Variants in SLC26A5 observed in about 807,000 individuals in gnomAD.
SLC26A5 encodes the protein solute carrier family 26 member 5, also known as prestin.
In SLC26A5, 51 loss-of-function variants were observed where a neutral mutation model predicts 81.0. The observed-to-expected ratio is 0.63, with a 90% CI of 0.50 to 0.80. The LOEUF (loss-of-function observed/expected upper bound fraction) is 0.80, where lower values mean the gene tolerates loss of function less well. Ranked by LOEUF, SLC26A5 falls within the 30% of genes least tolerant of loss-of-function variation. The pLI is 0.00. For synonymous variants in SLC26A5, 325 were observed against 332.8 expected (o/e 0.98, Z 0.25); for missense variants, 771 against 905.8 (o/e 0.85, Z 1.91).
At chr7:103,401,274 G>A (rs1823564823) in intron 8 of SLC26A5, among the ~76,000 whole-genome samples, 1 of 152,148 alleles carries the variant, frequency 6.6e-6, no homozygotes, top group Admixed American at 6.5e-5. Context: ...TCTCCTTGAA[G>A]AGGTCCTTCA....
rs375313152 is a variant in SLC26A5 at position 103,379,483 on chromosome 7, C to CA, written c.1585-149dup. ...AGCTAAAATGATGTCACACACAGAC[C>CA]AAAAAAAAAAAAAAAGATAAGAAAA... On this transcript the variant is annotated intron_variant, in intron 15 of 19. Transcript: ENST00000306312. 0.11 allele frequency: 32,900 copies of CA among 295,418 alleles called. 438 individuals carry two copies. The highest frequency in any genetic ancestry group is 0.16 in the Admixed American group (2,837 of 17,312). 18.3% of individuals were successfully genotyped at this position (295,418 alleles called of 1,614,324 possible).
intron 19 of SLC26A5, among the ~76,000 whole-genome samples, chr7:103,357,326 CAAAA>C (rs762310758): frequency 2.6e-5 from 2 of 77,824 alleles, no homozygotes; most frequent in African/African-American, 4.7e-5. Flanking sequence ...TACTCTGTCT[CAAAA>C]AAAAAAAAAA....
intron 14 of SLC26A5, among the ~76,000 whole-genome samples, chr7:103,384,963 T>C (rs1026442687): frequency 6.6e-6 from 1 of 152,182 alleles, no homozygotes; most frequent in Non-Finnish European, 1.5e-5. Context: ...GCACTGTCCC[T>C]AGAGTCTAGC....
downstream of SLC26A5, among the ~76,000 whole-genome samples, chr7:103,371,644 T>G (rs1233109359): frequency 6.6e-6 from 1 of 150,760 alleles, no homozygotes; most frequent in Non-Finnish European, 1.5e-5. Context: ...TGTCAATCTA[T>G]CAACCATAGT....
intron 19 of SLC26A5, among the ~76,000 whole-genome samples, chr7:103,361,578 C>A (rs1820418667): frequency 6.7e-6 from 1 of 149,986 alleles, no homozygotes; most frequent in Non-Finnish European, 1.5e-5. Flanking sequence ...AATGAAAACC[C>A]ATTTATTACT....
At chr7:103,421,695 G>A (rs1825365612) in intron 2 of SLC26A5, 128 bp from the exon 3 acceptor site, 2 of 641,720 alleles carry the variant, frequency 3.1e-6, no homozygotes, top group Non-Finnish European at 5.5e-6. Context: ...AGGACCTAAT[G>A]TATTGATCTG....
At chr7:103,395,473 A>G (rs1586266432) in intron 9 of SLC26A5, among the ~76,000 whole-genome samples, 3 of 144,022 alleles carry the variant, frequency 2.1e-5, no homozygotes, top group Non-Finnish European at 4.5e-5. Flanking sequence ...ATATATATAT[A>G]CATATATATA....
rs1172969679 is a variant in SLC26A5 at position 103,393,045 on chromosome 7, C to T, written c.993G>A (p.Pro331=). The T allele has an allele frequency of 1.1e-5, 18 of 1,613,774 alleles. No individual in the cohort carries two copies. The highest frequency in any genetic ancestry group is 6.7e-5 in the Admixed American group (4 of 59,994). ...ACACAAGGTGGAAGAGGCTGGTGTC[C>T]GGATTGGCTGGAGGTAGCAGCCTGA... ...LPLGLLPPAN[P]DTSLFHLVYV... The change falls in exon 10 of 20, where the codon CCG becomes CCA. Residue 331 remains proline, a synonymous_variant. Transcript: ENST00000306312.
At position 103,389,127 on chromosome 7, in the gene SLC26A5, C is replaced by T. The variant is rs770745385; in HGVS notation, c.1408-13G>A. ...TAAGCCAGATGGTCTAAGCAAAAGA[C>T]AGAAAACTTGATGGAGAACCATGTT... On this transcript the variant is annotated splice_polypyrimidine_tract_variant and intron_variant, in intron 13 of 19. Transcript: ENST00000306312. 4.4e-6 allele frequency: 7 copies of T among 1,582,472 alleles called. No homozygotes were observed. The highest frequency in any genetic ancestry group is 1.7e-4 in the Middle Eastern group (1 of 5,998).
rs370542288 is a variant in SLC26A5 at position 103,356,333 on chromosome 7, T to A, written c.2042-3407A>T. On this transcript the variant is annotated intron_variant, in intron 19 of 19. Transcript: ENST00000339444. ...CTGTAGTGAATATTCGTGTTAAATGTTTCTCAGTGTATGTGCATACATTTC... is the reference window on the plus strand; with the variant it reads ...CTGTAGTGAATATTCGTGTTAAATGATTCTCAGTGTATGTGCATACATTTC... Among the ~76,000 whole-genome samples the A allele has an allele frequency of 3.3e-5, 5 of 152,346 alleles. No homozygotes were observed. The East Asian group carries it at 7.7e-4, about 23-fold the overall frequency.
At chr7:103,408,514 A>G (rs1479799474) in intron 7 of SLC26A5, among the ~76,000 whole-genome samples, 2 of 152,212 alleles carry the variant, frequency 1.3e-5, no homozygotes, top group Non-Finnish European at 1.5e-5. Flanking sequence ...GGTGTGAGCC[A>G]CTGTGCCCAG....
At chr7:103,364,958 CATATAT>C (rs59914167) in intron 19 of SLC26A5, among the ~76,000 whole-genome samples, 16 of 125,500 alleles carry the variant, frequency 1.3e-4, no homozygotes, top group African/African-American at 3.2e-4. Context: ...TGTAGACATA[CATATAT>C]ATATATATAT....
At chr7:103,412,089 G>A (rs1176540420) in intron 5 of SLC26A5, among the ~76,000 whole-genome samples, 2 of 152,206 alleles carry the variant, frequency 1.3e-5, no homozygotes, top group African/African-American at 4.8e-5. Flanking sequence ...GAAAAAGGGA[G>A]AGAGGAAGAA....
In SLC26A5 at chr7:103,374,342, T is replaced by TG; in HGVS notation, c.*56dup. On this transcript the variant is annotated 3_prime_UTR_variant, in exon 20 of 20. Coordinates refer to ENST00000306312, the MANE Select transcript of SLC26A5 (RefSeq NM_198999.3). ...AATCTAGCGTCTAGTATTTAAAACG[T>TG]GTAAATTATGAACTTCATGAGAGGC... The TG allele has an allele frequency of 6.2e-7, 1 of 1,605,434 alleles. No homozygotes were observed. The highest frequency in any genetic ancestry group is 8.5e-7 in the Non-Finnish European group (1 of 1,176,858).
At position 103,421,564 on chromosome 7, in the gene SLC26A5, G is replaced by A. The variant is rs1330079612; in HGVS notation, c.-50C>T. ...AGCCGGAGACAAGCATTTCCTGAGT[G>A]TCACTAGGGGAAAAAAGAAAAACTC... On this transcript the variant is annotated 5_prime_UTR_variant, in exon 3 of 20. Coordinates refer to ENST00000306312, the MANE Select transcript of SLC26A5 (RefSeq NM_198999.3). 3 of 1,589,074 alleles carry A rather than the reference G, an allele frequency of 1.9e-6. No homozygotes were observed. Among genetic ancestry groups the A allele is most frequent in the Non-Finnish European group, 2.6e-6 (3 of 1,159,224 alleles).
At chr7:103,426,707 A>G (rs1340866870) in intron 2 of SLC26A5, among the ~76,000 whole-genome samples, 1 of 152,178 alleles carries the variant, frequency 6.6e-6, no homozygotes, top group Non-Finnish European at 1.5e-5. Context: ...GGGACTTTTT[A>G]TTTGCATCAA....
downstream of SLC26A5, among the ~76,000 whole-genome samples, chr7:103,372,202 ATTAG>A (rs758452762): frequency 1.4e-4 from 21 of 152,222 alleles, no homozygotes; most frequent in African/African-American, 3.4e-4. Context: ...TCACTCTAGA[ATTAG>A]TTAAAGTTTT....
Position 103,367,355 on chromosome 7 carries a change from T to C in SLC26A5, c.2041+9453A>G, listed in dbSNP as rs1004490246. ...TGAGATTTTTGGTACTTTCAGGTCATGCATAGTGCTACTCTTGAGTGGACT... is the reference window on the plus strand; with the variant it reads ...TGAGATTTTTGGTACTTTCAGGTCACGCATAGTGCTACTCTTGAGTGGACT... On this transcript the variant is annotated intron_variant, in intron 19 of 19. Coordinates refer to the SLC26A5 transcript ENST00000339444. This position sits in a 1 kb window ranked among gnomAD's most constrained non-coding sequence, Gnocchi z 6.1. 9.7e-6 allele frequency: 15 copies of C among 1,548,598 alleles called. No homozygotes were observed. Among genetic ancestry groups the C allele is most frequent in the Non-Finnish European group, 1.3e-5 (15 of 1,123,456 alleles).
intron 2 of SLC26A5, among the ~76,000 whole-genome samples, chr7:103,442,569 T>C (rs1826959360): frequency 6.6e-6 from 1 of 152,216 alleles, no homozygotes; most frequent in South Asian, 2.1e-4. Context: ...TCAGAATCTC[T>C]GTTGGGTTTT....
Sources: allele counts gnomAD v4.1 joint callset (sites outside exome capture counted in the v4.1 genomes callset), GRCh38; gene constraint gnomAD v4.1.1; non-coding constraint Gnocchi (gnomAD v3.1); transcripts MANE v1.5; gene names NCBI Gene and HGNC (gene_info 2026-07-23, HGNC 2026-07-21).